PDSS2: variants seen among roughly 807,000 people sequenced by gnomAD.
PDSS2 encodes the protein decaprenyl diphosphate synthase subunit 2.
A neutral mutation model predicts 44.5 loss-of-function variants in PDSS2; 31 were observed. The ratio of observed to expected loss-of-function variants is 0.70; its 90% confidence interval spans 0.52 to 0.94. The LOEUF (loss-of-function observed/expected upper bound fraction) is 0.94, where lower values mean the gene tolerates loss of function less well. PDSS2 is among the 40% of genes least tolerant of loss of function. PDSS2 has a pLI of 0.00. For synonymous variants in PDSS2, 157 were observed against 180.3 expected (o/e 0.87, Z 1.03); for missense variants, 452 against 482.2 (o/e 0.94, Z 0.59).
rs142774321 is a variant in PDSS2, at chr6:107,245,572, T to C, written c.678A>G (p.Val226=). 17 of 1,590,806 alleles carry C rather than the reference T, an allele frequency of 1.1e-5. No individual in the cohort carries two copies. The South Asian group carries it at 1.5e-4, about 14-fold the overall frequency. ...CCTTTGAAGTAGAATTTTCATGATA[T>C]ACTCCTTGTACCAAGTCCATAAGAG... is the stretch of plus-strand genomic sequence containing the variant. ...ASALMDLVQG[V]YHENSTSKES... The change falls in exon 4 of 8, where the codon GTA becomes GTG. Residue 226 remains valine, a synonymous_variant. Coordinates refer to ENST00000369037, the MANE Select transcript of PDSS2 (RefSeq NM_020381.4).
chr6:107,449,663 C>G (rs1213207276), intron 1 of PDSS2, among the ~76,000 whole-genome samples: 3 of 152,204 alleles, frequency 2.0e-5, no homozygotes, highest in African/African-American at 7.2e-5. Flanking sequence ...AACACGTGGG[C>G]TCAAACGATC....
intron 2 of PDSS2, among the ~76,000 whole-genome samples, chr6:107,326,963 G>A (rs530418067): frequency 4.0e-4 from 61 of 152,210 alleles, no homozygotes; most frequent in South Asian, 1.0e-3. Flanking sequence ...AAATGCCAAC[G>A]ATGACTTTAC....
At chr6:107,219,053 T>C (rs143348447) in intron 4 of PDSS2, among the ~76,000 whole-genome samples, 3,365 of 150,438 alleles carry the variant, frequency 0.022, 53 homozygotes, top group Non-Finnish European at 0.036. Context: ...AGTGAAACTC[T>C]GTCTCAAAAA....
chr6:107,411,295 G>A (rs866976229), intron 1 of PDSS2, among the ~76,000 whole-genome samples: 1 of 152,158 alleles, frequency 6.6e-6, no homozygotes, highest in South Asian at 2.1e-4. Flanking sequence ...TGGGTCAAAT[G>A]GTAAGTGCAT....
chr6:107,302,197 A>G (rs990469964), intron 2 of PDSS2, among the ~76,000 whole-genome samples: 7 of 152,104 alleles, frequency 4.6e-5, no homozygotes, highest in African/African-American at 1.7e-4. Context: ...TTTATCATGC[A>G]CGGTAGTAAG....
chr6:107,441,355 G>C (rs1024995340), intron 1 of PDSS2, among the ~76,000 whole-genome samples: 4 of 152,132 alleles, frequency 2.6e-5, no homozygotes, highest in Admixed American at 1.3e-4. Flanking sequence ...ATAAATTCAG[G>C]GTTCTCTCAC....
intron 2 of PDSS2, among the ~76,000 whole-genome samples, chr6:107,305,499 A>G (rs1168548836): frequency 6.6e-6 from 1 of 152,244 alleles, no homozygotes; most frequent in Non-Finnish European, 1.5e-5. Flanking sequence ...TATCACATGT[A>G]GAATCTTACA....
intron 2 of PDSS2, among the ~76,000 whole-genome samples, chr6:107,282,544 C>A (rs1449457385): frequency 6.6e-6 from 1 of 151,936 alleles, no homozygotes; most frequent in Admixed American, 6.5e-5. Flanking sequence ...AGGCACATAC[C>A]ACCATACCTG....
At chr6:107,446,232 C>T (rs1286918824) in intron 1 of PDSS2, among the ~76,000 whole-genome samples, 1 of 151,996 alleles carries the variant, frequency 6.6e-6, no homozygotes, top group Non-Finnish European at 1.5e-5. Flanking sequence ...AGGAGAATTG[C>T]TTGAACCCAG....
chr6:107,185,197 G>C (rs1772125647), intron 7 of PDSS2, among the ~76,000 whole-genome samples: 1 of 150,834 alleles, frequency 6.6e-6, no homozygotes, highest in South Asian at 2.1e-4. Flanking sequence ...AGAAAGACTA[G>C]AGATAAATAT....
intron 4 of PDSS2, among the ~76,000 whole-genome samples, chr6:107,224,902 T>C (rs1773733840): frequency 1.3e-5 from 2 of 150,470 alleles, no homozygotes; most frequent in Non-Finnish European, 2.9e-5. Context: ...GCTGGCTGGT[T>C]CTGGCTCATG....
chr6:107,155,877 CTTTTTTTTTTTTTTTTTTT>C (rs60840656), intron 7 of PDSS2, among the ~76,000 whole-genome samples: 1 of 51,632 alleles, frequency 1.9e-5, no homozygotes, highest in African/African-American at 7.9e-5. Flanking sequence ...CTTGCCCGGC[CTTTTTTTTTTTTTTTTTTT>C]TTTTTTTTTT....
chr6:107,156,432 G>T (rs983770612), intron 7 of PDSS2, among the ~76,000 whole-genome samples: 2 of 151,822 alleles, frequency 1.3e-5, no homozygotes, highest in Admixed American at 6.6e-5. Context: ...CTGACCTTGT[G>T]ATCCGCCCAC....
chr6:107,428,500 T>C (rs560621025), intron 1 of PDSS2, among the ~76,000 whole-genome samples: 1 of 152,286 alleles, frequency 6.6e-6, no homozygotes, highest in South Asian at 2.1e-4. Flanking sequence ...GAAGGCTTTC[T>C]GTATCAAGTA....
At chr6:107,230,674 CATG>C (rs1562393958) in intron 4 of PDSS2, among the ~76,000 whole-genome samples, 48 of 151,804 alleles carry the variant, frequency 3.2e-4, no homozygotes, top group South Asian at 6.2e-4. Context: ...CTAGCCAGGG[CATG>C]TTTTTCTCAT....
At chr6:107,319,675 G>A (rs904991570) in intron 2 of PDSS2, among the ~76,000 whole-genome samples, 2 of 152,170 alleles carry the variant, frequency 1.3e-5, no homozygotes, top group African/African-American at 4.8e-5. Flanking sequence ...CAGCCAAAGC[G>A]CTGCAGACAA....
At chr6:107,207,665 G>T (rs943372950) in intron 6 of PDSS2, among the ~76,000 whole-genome samples, 8 of 138,624 alleles carry the variant, frequency 5.8e-5, no homozygotes, top group African/African-American at 2.1e-4. Flanking sequence ...AGGATGGAGT[G>T]CAGTTGTGCA....
intron 1 of PDSS2, among the ~76,000 whole-genome samples, chr6:107,352,914 C>T (rs993608045): frequency 6.6e-6 from 1 of 152,116 alleles, no homozygotes; most frequent in Admixed American, 6.6e-5. Context: ...TTTAGAGAAT[C>T]CATGTGTACT....
chr6:107,381,063 C>A (rs1779439804), intron 1 of PDSS2, among the ~76,000 whole-genome samples: 1 of 152,134 alleles, frequency 6.6e-6, no homozygotes, highest in Non-Finnish European at 1.5e-5. Flanking sequence ...ATCAGTCTAC[C>A]CTATCTACTT....
Sources: allele counts gnomAD v4.1 joint callset (sites outside exome capture counted in the v4.1 genomes callset), GRCh38; gene constraint gnomAD v4.1.1; transcripts MANE v1.5; gene names NCBI Gene and HGNC (gene_info 2026-07-23, HGNC 2026-07-21).